Variants in FBXL13 observed in about 807,000 individuals in gnomAD.
FBXL13 encodes the protein F-box and leucine-rich repeat protein 13.
A neutral mutation model predicts 83.6 loss-of-function variants in FBXL13; 67 were observed. That is an observed-to-expected ratio of 0.80 (90% confidence interval 0.66 to 0.98). The LOEUF is 0.98. Among genes scored for constraint, FBXL13 ranks in the 50% least tolerant of loss-of-function variants. FBXL13 has a pLI of 0.00. For missense variants in FBXL13, 822 were observed against 866.5 expected (o/e 0.95, Z 0.64); for synonymous variants, 272 against 299.5 (o/e 0.91, Z 0.95).
intron 8 of FBXL13, chr7:102,944,262 T>C: frequency 1.9e-6 from 3 of 1,612,544 alleles, no homozygotes; most frequent in Non-Finnish European, 2.5e-6. Flanking sequence ...CAAACAACAG[T>C]CTGCAAAACT....
chr7:102,830,019 C>G (rs1352781456), intron 18 of FBXL13, among the ~76,000 whole-genome samples: 1 of 152,144 alleles, frequency 6.6e-6, no homozygotes, highest in Non-Finnish European at 1.5e-5. Flanking sequence ...CTTTCTACTC[C>G]TTTGTATCAG....
At chr7:102,922,116 C>G (rs758673058) in intron 10 of FBXL13, among the ~76,000 whole-genome samples, 1 of 150,694 alleles carries the variant, frequency 6.6e-6, no homozygotes, top group African/African-American at 2.4e-5. Flanking sequence ...CTTGAGCCCG[C>G]GAGGCGGAGG....
At chr7:102,881,457 A>G (rs1371306775) in intron 14 of FBXL13, among the ~76,000 whole-genome samples, 1 of 147,780 alleles carries the variant, frequency 6.8e-6, no homozygotes, top group Non-Finnish European at 1.5e-5. Flanking sequence ...AAAAAAAAAA[A>G]GAATAATTAA....
chr7:102,867,689 A>ATTTT (rs1807902984), intron 16 of FBXL13, among the ~76,000 whole-genome samples: 1 of 75,686 alleles, frequency 1.3e-5, no homozygotes, highest in African/African-American at 8.1e-5. Flanking sequence ...ATATATATAT[A>ATTTT]TATATATTTT....
At chr7:102,951,517 A>T (rs1266058082) in intron 8 of FBXL13, among the ~76,000 whole-genome samples, 1 of 151,840 alleles carries the variant, frequency 6.6e-6, no homozygotes, top group Non-Finnish European at 1.5e-5. Flanking sequence ...AATAATAAAG[A>T]CTGAAGTGGG....
At chr7:102,961,678 G>A (rs1469422152) in intron 8 of FBXL13, among the ~76,000 whole-genome samples, 7 of 151,310 alleles carry the variant, frequency 4.6e-5, no homozygotes, top group African/African-American at 7.3e-5. Context: ...CAGAAATAAC[G>A]CTGCATATCT....
chr7:102,856,070 T>C (rs933314124), intron 16 of FBXL13, among the ~76,000 whole-genome samples: 1 of 152,248 alleles, frequency 6.6e-6, no homozygotes, highest in Non-Finnish European at 1.5e-5. Flanking sequence ...TTTATTCCTG[T>C]GCCATAAGTT....
Position 102,963,933 on chromosome 7 carries a change from A to T in FBXL13, c.592-268T>A, listed in dbSNP as rs1825680031. On this transcript the variant is annotated intron_variant, in intron 7 of 19. Coordinates refer to ENST00000313221, the Ensembl canonical transcript of FBXL13. ...ATAAAAATAGGCGAAGAACATGAAC[A>T]GATACTTCTCAAAAGAAGAAATACA... Among the ~76,000 whole-genome samples, 3 of 152,240 alleles carry T rather than the reference A, an allele frequency of 2.0e-5. No individual in the cohort carries two copies. The South Asian group carries it at 6.2e-4, about 31-fold the overall frequency.
chr7:103,039,204 G>C (rs921796414), intron 2 of FBXL13, among the ~76,000 whole-genome samples: 1 of 152,172 alleles, frequency 6.6e-6, no homozygotes, highest in African/African-American at 2.4e-5. Flanking sequence ...ATTCCATCAA[G>C]TGGAAGAAAG....
intron 10 of FBXL13, among the ~76,000 whole-genome samples, chr7:102,924,880 C>T (rs997619600): frequency 4.6e-5 from 7 of 151,878 alleles, no homozygotes; most frequent in African/African-American, 9.7e-5. Context: ...CCACCCGCCC[C>T]GGCCTCCCAA....
intron 18 of FBXL13, among the ~76,000 whole-genome samples, chr7:102,828,696 T>C (rs1800147594): frequency 6.6e-6 from 1 of 152,222 alleles, no homozygotes; most frequent in Non-Finnish European, 1.5e-5. Context: ...GTTTCAGTGG[T>C]CTAGAGACAT....
chr7:102,948,912 A>G (rs773457041), intron 8 of FBXL13, among the ~76,000 whole-genome samples: 2 of 152,108 alleles, frequency 1.3e-5, no homozygotes, highest in African/African-American at 2.4e-5. Context: ...AGGTTTCGCC[A>G]TGTTGGCCAG....
intron 11 of FBXL13, among the ~76,000 whole-genome samples, chr7:102,889,047 T>G (rs932307466): frequency 6.6e-6 from 1 of 152,234 alleles, no homozygotes; most frequent in Non-Finnish European, 1.5e-5. Flanking sequence ...TGGCATGTAA[T>G]ATTGTTATCA....
chr7:102,829,070 G>A (rs903489322), intron 18 of FBXL13, among the ~76,000 whole-genome samples: 9 of 152,108 alleles, frequency 5.9e-5, no homozygotes, highest in African/African-American at 1.7e-4. Context: ...ACATCTTTCC[G>A]TGCTTCAGCC....
At chr7:103,049,052 T>C (rs934499670) in intron 2 of FBXL13, among the ~76,000 whole-genome samples, 8 of 152,242 alleles carry the variant, frequency 5.3e-5, no homozygotes, top group African/African-American at 1.9e-4. Flanking sequence ...ATCTACAACA[T>C]GCTTGGTCTT....
chr7:102,832,782 C>A, intron 18 of FBXL13, 58 bp downstream of exon 19: 1 of 1,604,726 alleles, frequency 6.2e-7, no homozygotes, highest in Non-Finnish European at 8.5e-7. Flanking sequence ...CGCTGTCCTG[C>A]CTTGTCCCTT....
intron 6 of FBXL13, among the ~76,000 whole-genome samples, chr7:103,008,289 A>T (rs1441211208): frequency 6.6e-6 from 1 of 152,210 alleles, no homozygotes; most frequent in African/African-American, 2.4e-5. Context: ...AGGAGACACG[A>T]CAACCAATTG....
At chr7:102,965,121 C>G (rs561813178) in intron 7 of FBXL13, among the ~76,000 whole-genome samples, 248 of 152,222 alleles carry the variant, frequency 1.6e-3, no homozygotes, top group African/African-American at 5.2e-3. Flanking sequence ...ACTCAGGGCT[C>G]AAAGTTATAT....
intron 5 of FBXL13, among the ~76,000 whole-genome samples, chr7:103,026,801 C>T (rs1793969581): frequency 6.6e-6 from 1 of 152,120 alleles, no homozygotes; most frequent in African/African-American, 2.4e-5. Flanking sequence ...AACTTCACCC[C>T]ACATTCTCTT....
Sources: allele counts gnomAD v4.1 joint callset (sites outside exome capture counted in the v4.1 genomes callset), GRCh38; gene constraint gnomAD v4.1.1; transcripts MANE v1.5; gene names NCBI Gene and HGNC (gene_info 2026-07-23, HGNC 2026-07-21).